Variants in MTOR observed in about 807,000 individuals in gnomAD.
MTOR encodes mechanistic target of rapamycin kinase.
In MTOR, 70 loss-of-function variants were observed where a neutral mutation model predicts 319.8. The ratio of observed to expected loss-of-function variants is 0.22; its 90% CI spans 0.18 to 0.27. MTOR has a LOEUF of 0.27. Ranked by LOEUF, MTOR falls within the 10% of genes least tolerant of loss-of-function variation. The pLI is 1.00. For synonymous variants in MTOR, 1,183 were observed against 1,211.4 expected, an observed-to-expected ratio of 0.98 and a Z score of 0.49; for missense variants, 1,890 against 3,274.4, an observed-to-expected ratio of 0.58 and a Z score of 10.32.
chr1:11,157,121 G>A (rs2100566410), intron 30 of MTOR, 31 bp downstream of exon 30: 2 of 1,562,328 alleles, frequency 1.3e-6, no homozygotes, highest in African/African-American at 2.8e-5. Context: ...GTCTCTTGCA[G>A]CCACACATGC....
At chr1:11,256,781 C>G (rs1650455417) in intron 4 of MTOR, 152 bp downstream of exon 4, 1 of 716,680 alleles carries the variant, frequency 1.4e-6, no homozygotes, top group Non-Finnish European at 2.3e-6. Flanking sequence ...TAGATTCCCT[C>G]TTAAGGACGG....
chr1:11,177,512 C>A (rs528931886), intron 28 of MTOR, among the ~76,000 whole-genome samples: 1 of 152,132 alleles, frequency 6.6e-6, no homozygotes, highest in African/African-American at 2.4e-5. Context: ...GGGCTACAAT[C>A]GCACCACTGC....
At position 11,127,975 on chromosome 1, in the gene MTOR, T is replaced by G; in HGVS notation, c.6033+29A>C. On this transcript the variant is annotated intron_variant, in intron 43 of 57. Coordinates refer to ENST00000361445, the MANE Select transcript of MTOR (RefSeq NM_004958.4). This position sits in a 1 kb window ranked among gnomAD's most constrained non-coding sequence, Gnocchi z 5.5. ...GCCCACCAGCTAAGGGACCAGGGTC[T>G]ATGAAGCCCCACAGTGGCTCCGACC... 6.2e-7 allele frequency: 1 copy of G among 1,612,544 alleles called. No individual in the cohort carries two copies. The highest frequency in any genetic ancestry group is 1.1e-5 in the South Asian group (1 of 90,952).
chr1:11,239,165 T>C (rs1647640811), intron 11 of MTOR, among the ~76,000 whole-genome samples: 1 of 152,096 alleles, frequency 6.6e-6, no homozygotes, highest in Non-Finnish European at 1.5e-5. Context: ...AGATAAAAGG[T>C]ATCCCCCAAT....
intron 31 of MTOR, chr1:11,149,236 C>T (rs937661592): frequency 6.6e-6 from 1 of 152,210 alleles, no homozygotes; most frequent in Non-Finnish European, 1.5e-5. Context: ...TAAACTTTGC[C>T]TTATGTTGTC....
chr1:11,198,356 T>C (rs559692014), intron 28 of MTOR, among the ~76,000 whole-genome samples: 1 of 152,346 alleles, frequency 6.6e-6, no homozygotes, highest in South Asian at 2.1e-4. Context: ...TTTCGCTAAC[T>C]TTTTAAAGTG....
rs1196394543 is a variant in MTOR at position 11,250,326 on chromosome 1, T to C, written c.841-2232A>G. On this transcript the variant is annotated intron_variant, in intron 6 of 57. Transcript: ENST00000361445. ...GCGGCTGGCCGGGCAGAGGGGCTCCTCACTTCCCAGTAGGGGCGGCCGGGC... is the reference window on the plus strand; with the variant it reads ...GCGGCTGGCCGGGCAGAGGGGCTCCCCACTTCCCAGTAGGGGCGGCCGGGC... Among the ~76,000 whole-genome samples the C allele has an allele frequency of 3.3e-5, 5 of 151,798 alleles. No homozygotes were observed. In the East Asian group the frequency reaches 9.7e-4, roughly 30 times the overall value.
chr1:11,191,047 T>C (rs1009614965), intron 28 of MTOR, among the ~76,000 whole-genome samples: 2 of 152,226 alleles, frequency 1.3e-5, no homozygotes, highest in African/African-American at 4.8e-5. Flanking sequence ...AAGTGAGTCC[T>C]GATTTGGTCT....
chr1:11,250,468 A>G (rs935018327), intron 6 of MTOR, among the ~76,000 whole-genome samples: 1 of 152,106 alleles, frequency 6.6e-6, no homozygotes, highest in East Asian at 1.9e-4. Context: ...CACCTCCTTG[A>G]CGCCCTTTCT....
chr1:11,234,363 C>A, intron 13 of MTOR, 98 bp from the exon 14 acceptor site: 2 of 1,396,752 alleles, frequency 1.4e-6, no homozygotes, highest in Non-Finnish European at 1.9e-6. Context: ...GGGGGAAAAA[C>A]CCAGACCTCC....
Position 11,186,797 on chromosome 1 carries a change from T to C in MTOR, c.4253+12461A>G, listed in dbSNP as rs577644387. Reference sequence around the variant, plus strand: ...ATAAGGTTGTGGATGTTTTAGAAAATAGATAATCTTCTGGCATGAGAAATA... The same window carrying C: ...ATAAGGTTGTGGATGTTTTAGAAAACAGATAATCTTCTGGCATGAGAAATA... On this transcript the variant is annotated intron_variant, in intron 28 of 57. Transcript: ENST00000361445. 5.9e-5 allele frequency among the ~76,000 whole-genome samples: 9 copies of C among 152,330 alleles called. No homozygotes were observed. The South Asian group carries it at 6.2e-4, about 11-fold the overall frequency.
chr1:11,258,406 T>A, intron 3 of MTOR, 79 bp downstream of exon 3: 2 of 937,790 alleles, frequency 2.1e-6, no homozygotes, highest in South Asian at 3.0e-5. Flanking sequence ...TGAACTAGTA[T>A]CCAGTAAGTG....
chr1:11,225,447 A>C (rs1205500283), intron 19 of MTOR, among the ~76,000 whole-genome samples: 2 of 148,300 alleles, frequency 1.3e-5, no homozygotes, highest in African/African-American at 4.9e-5. Context: ...TTTGAGACAG[A>C]ATCTTGCTCT....
intron 31 of MTOR, among the ~76,000 whole-genome samples, chr1:11,149,024 A>T (rs1421984765): frequency 6.6e-6 from 1 of 152,056 alleles, no homozygotes; most frequent in Non-Finnish European, 1.5e-5. Flanking sequence ...CCCAAGCCTC[A>T]CAGAGTGCTG....
intron 29 of MTOR, among the ~76,000 whole-genome samples, chr1:11,158,839 A>G (rs1644391870): frequency 6.6e-6 from 1 of 152,068 alleles, no homozygotes. Flanking sequence ...TTTGAATTGC[A>G]ATAGATTGCA....
At chr1:11,148,889 C>T (rs938271884) in intron 31 of MTOR, among the ~76,000 whole-genome samples, 31 of 149,312 alleles carry the variant, frequency 2.1e-4, no homozygotes, top group Admixed American at 2.7e-4. Context: ...CAGAGCGAGA[C>T]TCCATGTCAA....
In MTOR at chr1:11,236,674, A is replaced by AT. The variant is rs572553289; in HGVS notation, c.2208+1168dup. ...CAGACGCCTGCCAACATGCCTGGCT[A>AT]TTTTTTTTTTATTTTTAGTAGAGAT... On this transcript the variant is annotated intron_variant, in intron 13 of 57. Transcript: ENST00000361445. 2.3e-3 allele frequency among the ~76,000 whole-genome samples: 336 copies of AT among 147,880 alleles called. 3 individuals carry two copies. Among genetic ancestry groups the AT allele is most frequent in the East Asian group, 7.0e-3 (35 of 5,006 alleles).
chr1:11,190,031 C>T lies in MTOR; in HGVS notation c.4253+9227G>A. 6.6e-6 allele frequency: 10 copies of T among 1,511,566 alleles called. No individual in the cohort carries two copies. The South Asian group carries it at 1.3e-4, about 20-fold the overall frequency. 93.6% of individuals were successfully genotyped at this position (1,511,566 alleles called of 1,614,324 possible). A position where few individuals can be genotyped will look rare whatever the true frequency, so the allele number is the denominator to read the frequency against. On this transcript the variant is annotated intron_variant, in intron 28 of 57. Transcript: ENST00000361445. The stretch of plus-strand genomic sequence containing the variant: ...CACTGCTTCTACATATCCTGGTCAT[C>T]AGAACCACTACTGGGGCCTCTTTTG...
chr1:11,174,252 C>G (rs1324255458), intron 28 of MTOR, among the ~76,000 whole-genome samples: 3 of 152,170 alleles, frequency 2.0e-5, no homozygotes, highest in Non-Finnish European at 2.9e-5. Context: ...CATCAGTAGG[C>G]ACCCAGGAAT....
Sources: gnomAD v4.1 joint callset for allele counts (sites outside exome capture counted in the v4.1 genomes callset) on GRCh38, gnomAD v4.1.1 for gene constraint, Gnocchi (gnomAD v3.1) non-coding constraint, MANE v1.5 for transcripts, NCBI Gene and HGNC (gene_info 2026-07-23, HGNC 2026-07-21) for gene names.